Variants in PHLDB2 observed in about 807,000 individuals in gnomAD.
PHLDB2 encodes pleckstrin homology-like domain family B member 2.
PHLDB2 carries 71 observed loss-of-function variants against 123.6 expected under a neutral mutation model. The observed-to-expected ratio is 0.57, with a 90% CI of 0.47 to 0.70. The LOEUF (loss-of-function observed/expected upper bound fraction) is 0.70, where lower values mean the gene tolerates loss of function less well. PHLDB2 is among the 30% of genes least tolerant of loss of function. PHLDB2 has a pLI of 0.00. For missense variants in PHLDB2, 1,446 were observed against 1,519.5 expected (o/e 0.95, Z 0.80); for synonymous variants, 547 against 541.6 (o/e 1.01, Z -0.14).
intron 1 of PHLDB2, among the ~76,000 whole-genome samples, chr3:111,802,326 A>AAAGGGGAGACAGAGC (rs1273885347): frequency 2.6e-5 from 4 of 152,218 alleles, no homozygotes; most frequent in African/African-American, 9.6e-5. Flanking sequence ...AGTGAAGAAT[A>AAAGGGGAGACAGAGC]AAGGGGAGAC....
chr3:111,949,694 C>G (rs541778131), intron 10 of PHLDB2: 1 of 981,420 alleles, frequency 1.0e-6, no homozygotes, highest in African/African-American at 1.8e-5. Context: ...TTTCTTTCTC[C>G]TATAAAGCAA....
At chr3:111,761,952 C>T (rs1410842678) in intron 1 of PHLDB2, among the ~76,000 whole-genome samples, 1 of 152,056 alleles carries the variant, frequency 6.6e-6, no homozygotes, top group Non-Finnish European at 1.5e-5. Context: ...CTGACATTTC[C>T]TTAAAATAGG....
intron 1 of PHLDB2, among the ~76,000 whole-genome samples, chr3:111,762,495 G>T (rs145328378): frequency 1.3e-5 from 2 of 152,152 alleles, no homozygotes; most frequent in Non-Finnish European, 2.9e-5. Flanking sequence ...CCTAGGGAGC[G>T]CTCTGAAGTT....
At chr3:111,910,918 A>G (rs1189416718) in intron 2 of PHLDB2, among the ~76,000 whole-genome samples, 1 of 152,194 alleles carries the variant, frequency 6.6e-6, no homozygotes, top group Admixed American at 6.5e-5. Context: ...GCAGTGCTGC[A>G]TGTGTCAGTG....
chr3:111,911,781 G>T (rs2067899691), intron 2 of PHLDB2: 2 of 1,422,018 alleles, frequency 1.4e-6, no homozygotes, highest in African/African-American at 1.4e-5. Context: ...TTGCTCTTTT[G>T]TTTTTTTTGT....
At chr3:111,886,230 T>G (rs2066154211) in intron 2 of PHLDB2, among the ~76,000 whole-genome samples, 2 of 152,210 alleles carry the variant, frequency 1.3e-5, no homozygotes, top group African/African-American at 4.8e-5. Context: ...TAAAGCTGAT[T>G]TACAGCAACA....
intron 1 of PHLDB2, among the ~76,000 whole-genome samples, chr3:111,831,525 A>T (rs1345526516): frequency 8.5e-5 from 13 of 152,304 alleles, no homozygotes; most frequent in South Asian, 6.2e-4. Context: ...CTATAATAAA[A>T]CACTGGCTCT....
chr3:111,953,019 C>A (rs189532414), intron 11 of PHLDB2, among the ~76,000 whole-genome samples: 9 of 152,288 alleles, frequency 5.9e-5, no homozygotes, highest in Non-Finnish European at 4.4e-5. Context: ...TAGGATGTAG[C>A]CTCTGTGTTC....
intron 1 of PHLDB2, among the ~76,000 whole-genome samples, chr3:111,787,598 A>C (rs2060742831): frequency 6.6e-6 from 1 of 152,162 alleles, no homozygotes; most frequent in Admixed American, 6.5e-5. Flanking sequence ...TTTCAAAGAC[A>C]TGGTTGGTAG....
chr3:111,745,957 G>A (rs1007476663), intron 1 of PHLDB2, among the ~76,000 whole-genome samples: 1 of 152,146 alleles, frequency 6.6e-6, no homozygotes, highest in Non-Finnish European at 1.5e-5. Flanking sequence ...CTGAGAGCAC[G>A]AAGAAGCAGG....
At chr3:111,771,905 A>C (rs1298474275) in intron 1 of PHLDB2, among the ~76,000 whole-genome samples, 1 of 152,232 alleles carries the variant, frequency 6.6e-6, no homozygotes, top group African/African-American at 2.4e-5. Flanking sequence ...TAATTCAAAA[A>C]TAGTCATTCT....
intron 6 of PHLDB2, among the ~76,000 whole-genome samples, chr3:111,933,221 C>G (rs2069244938): frequency 6.6e-6 from 1 of 152,186 alleles, no homozygotes; most frequent in South Asian, 2.1e-4. Context: ...CGTTAACAGT[C>G]TTGGATATCT....
chr3:111,859,759 C>A, intron 1 of PHLDB2, 183 bp downstream of exon 1: 3 of 985,442 alleles, frequency 3.0e-6, no homozygotes, highest in Non-Finnish European at 3.6e-6. Context: ...GCTGACTGCT[C>A]ACCGCGAGTC....
At chr3:111,836,206 G>A (rs2063386782) in intron 1 of PHLDB2, among the ~76,000 whole-genome samples, 1 of 152,190 alleles carries the variant, frequency 6.6e-6, no homozygotes. Context: ...AGAAAGAGAA[G>A]AAAGTGGCCA....
At chr3:111,742,314 TA>T (rs2059616569) in intron 1 of PHLDB2, among the ~76,000 whole-genome samples, 1 of 152,118 alleles carries the variant, frequency 6.6e-6, no homozygotes, top group African/African-American at 2.4e-5. Context: ...TTTATATATA[TA>T]TATTTTTTAT....
At chr3:111,763,145 C>T (rs1377080872) in intron 1 of PHLDB2, among the ~76,000 whole-genome samples, 1 of 152,196 alleles carries the variant, frequency 6.6e-6, no homozygotes. Flanking sequence ...GGAAACTGGA[C>T]AATGCAAATC....
chr3:111,812,502 T>C (rs1269217050), intron 1 of PHLDB2, among the ~76,000 whole-genome samples: 3 of 152,158 alleles, frequency 2.0e-5, no homozygotes, highest in African/African-American at 7.2e-5. Flanking sequence ...TTTCTCAACT[T>C]TGGAAGGAAT....
Position 111,780,400 on chromosome 3 carries a change from G to GAAGAAGAAGA in PHLDB2, c.-49+47700_-49+47709dup, listed in dbSNP as rs1559827485. ...AGAAGAAGAAGAAGAAGAAGAAGAA[G>GAAGAAGAAGA]AAGAAGAAGAAAAAGATTAGTTCGG... On this transcript the variant is annotated intron_variant, in intron 1 of 17. Coordinates refer to the PHLDB2 transcript ENST00000393923. Among the ~76,000 whole-genome samples, 84 of 18,844 alleles carry GAAGAAGAAGA rather than the reference G, an allele frequency of 4.5e-3. 20 individuals carry two copies. The East Asian group carries it at 0.31, about 70-fold the overall frequency. The allele number at this position is 18,844 out of a possible 152,430, so 12.4% of individuals were successfully genotyped here. A position where few individuals can be genotyped will look rare whatever the true frequency, so the allele number is the denominator to read the frequency against.
chr3:111,805,283 G>A (rs1043462919), intron 1 of PHLDB2, among the ~76,000 whole-genome samples: 3 of 152,008 alleles, frequency 2.0e-5, no homozygotes, highest in Admixed American at 1.3e-4. Flanking sequence ...TACTGGGGCC[G>A]GGCGCTGTGG....
Sources: allele counts gnomAD v4.1 joint callset (sites outside exome capture counted in the v4.1 genomes callset), GRCh38; gene constraint gnomAD v4.1.1; transcripts MANE v1.5; gene names NCBI Gene and HGNC (gene_info 2026-07-23, HGNC 2026-07-21).